BICD1: variants seen among roughly 807,000 people sequenced by gnomAD.
BICD1 encodes the protein BICD cargo adaptor 1, also known as protein bicaudal D homolog 1.
BICD1 carries 35 observed loss-of-function variants against 92.5 expected under a neutral mutation model. The ratio of observed to expected loss-of-function variants is 0.38; its 90% CI spans 0.29 to 0.50. The LOEUF (loss-of-function observed/expected upper bound fraction) is 0.50, where lower values mean the gene tolerates loss of function less well. BICD1 is among the 20% of genes least tolerant of loss of function. The pLI is 0.93. For synonymous variants in BICD1, 429 were observed against 465.1 expected (o/e 0.92, Z 1.00); for missense variants, 950 against 1,189.8 (o/e 0.80, Z 2.97).
At chr12:32,160,088 A>ACACATACTTAGCATGTGGTTTAGTCTGG in intron 1 of BICD1, among the ~76,000 whole-genome samples, 1 of 152,340 alleles carries the variant, frequency 6.6e-6, no homozygotes, top group African/African-American at 2.4e-5. Context: ...ATGGCATCTA[A>ACACATACTTAGCATGTGGTTTAGTCTGG]CACATACTTA....
intron 1 of BICD1, among the ~76,000 whole-genome samples, chr12:32,115,393 T>TTTTG (rs1941855941): frequency 6.6e-6 from 1 of 151,610 alleles, no homozygotes. Context: ...TTTGGTTTTT[T>TTTTG]TTTTTTTGCT....
At chr12:32,115,386 G>GTTTTTTTTTTTTTT (rs149711623) in intron 1 of BICD1, among the ~76,000 whole-genome samples, 8 of 97,768 alleles carry the variant, frequency 8.2e-5, no homozygotes, top group South Asian at 3.1e-4. Context: ...TGGTGTTTTT[G>GTTTTTTTTTTTTTT]GTTTTTTTTT....
intron 2 of BICD1, among the ~76,000 whole-genome samples, chr12:32,267,136 G>C (rs911139123): frequency 6.6e-6 from 1 of 152,086 alleles, no homozygotes; most frequent in Admixed American, 6.5e-5. Context: ...TCTCTGATAG[G>C]TGTTACCATG....
At chr12:32,278,682 T>C (rs1451534370) in intron 2 of BICD1, among the ~76,000 whole-genome samples, 2 of 151,938 alleles carry the variant, frequency 1.3e-5, no homozygotes, top group African/African-American at 4.8e-5. Context: ...TGAAACCCTG[T>C]CTCTACTAAA....
At chr12:32,288,835 C>T (rs1947649569) in intron 2 of BICD1, among the ~76,000 whole-genome samples, 1 of 151,082 alleles carries the variant, frequency 6.6e-6, no homozygotes, top group African/African-American at 2.4e-5. Context: ...CACTGTACTC[C>T]AGCCTGGGTG....
rs1333098400 is a variant in BICD1, at chr12:32,313,582, A to C, written c.1005+7460A>C. Among the ~76,000 whole-genome samples the C allele has an allele frequency of 6.6e-6, 1 of 152,202 alleles. No homozygotes were observed. The highest frequency in any genetic ancestry group is 1.5e-5 in the Non-Finnish European group (1 of 68,038). On this transcript the variant is annotated intron_variant, in intron 4 of 9. Transcript: ENST00000652176. This position sits in a 1 kb window ranked among gnomAD's most constrained non-coding sequence, Gnocchi z 4.2. ...ATAGGATGACATTAATGAAAACAAG[A>C]TTGGTTAGTTCTTGGGTTCTGAAAC... is the stretch of plus-strand genomic sequence containing the variant.
Position 32,294,083 on chromosome 12 carries a change from T to C in BICD1, c.516T>C (p.Tyr172=), listed in dbSNP as rs756590303. ...GGGAGGCACGGCTCCTTCAGGACTATACTGAATTGGAAGAAGAAAATATCA... is the reference window on the plus strand; with the variant it reads ...GGGAGGCACGGCTCCTTCAGGACTACACTGAATTGGAAGAAGAAAATATCA... The part of the protein sequence containing the change: ...KFREARLLQD[Y]TELEEENITL... Residue 172 remains tyrosine (Y), a synonymous_variant, in exon 3 of 10, where the codon TAT becomes TAC. Coordinates refer to ENST00000652176, the MANE Select transcript of BICD1 (RefSeq NM_001714.4). 22 of 1,611,496 alleles carry C rather than the reference T, an allele frequency of 1.4e-5. No homozygotes were observed. The highest frequency in any genetic ancestry group is 1.9e-5 in the Non-Finnish European group (22 of 1,179,564).
intron 1 of BICD1, among the ~76,000 whole-genome samples, chr12:32,124,214 C>T (rs1942251422): frequency 6.6e-6 from 1 of 152,178 alleles, no homozygotes; most frequent in African/African-American, 2.4e-5. Context: ...CTTTAGAGAG[C>T]ATCATCTATA....
chr12:32,374,734 A>ATTTTTTTTTTTTTTT (rs1179747608), intron 9 of BICD1, among the ~76,000 whole-genome samples: 11 of 80,122 alleles, frequency 1.4e-4, no homozygotes, highest in Non-Finnish European at 2.0e-4. Flanking sequence ...CGCCCGGCTA[A>ATTTTTTTTTTTTTTT]TTTTTTTTTT....
At position 32,328,417 on chromosome 12, in the gene BICD1, A is replaced by G; in HGVS notation, c.1962A>G (p.Ala654=). Residue 654 remains alanine, a synonymous_variant, in exon 5 of 10, where the codon GCA becomes GCG. Transcript: ENST00000652176. The surrounding 1 kb of genome is among the most constrained non-coding windows in gnomAD (Gnocchi z 4.4). ...DRSLQLSRQR[A]AARELAPMID... ...CCTTGCAACTGTCTCGTCAAAGAGC[A>G]GCGGCTCGGGAGCTAGCCCCCATGA... 4 of 1,614,220 alleles carry G rather than the reference A, an allele frequency of 2.5e-6. No homozygotes were observed. The highest frequency in any genetic ancestry group is 2.2e-5 in the East Asian group (1 of 44,880).
intron 1 of BICD1, among the ~76,000 whole-genome samples, chr12:32,173,203 C>G (rs191895004): frequency 4.6e-5 from 7 of 152,252 alleles, no homozygotes; most frequent in Admixed American, 4.6e-4. Context: ...CACCACCACC[C>G]CTGGCTAATT....
In BICD1 at chr12:32,242,346, TG is replaced by T. The variant is rs1227297064; in HGVS notation, c.426+25888del. Reference sequence around the variant, plus strand: ...TTCGAGACCAGCCTGGTCAACATTGTGAAACCAGTCTCTACTAAAATACAAA... The same window carrying T: ...TTCGAGACCAGCCTGGTCAACATTGTAAACCAGTCTCTACTAAAATACAAA... On this transcript the variant is annotated intron_variant, in intron 2 of 9. Coordinates refer to ENST00000652176, the MANE Select transcript of BICD1 (RefSeq NM_001714.4). 2.0e-5 allele frequency among the ~76,000 whole-genome samples: 3 copies of T among 151,090 alleles called. No individual in the cohort carries two copies. In the Middle Eastern group the frequency reaches 0.01, roughly 528 times the overall value.
At chr12:32,324,748 T>A (rs1304697926) in intron 4 of BICD1, among the ~76,000 whole-genome samples, 3 of 151,956 alleles carry the variant, frequency 2.0e-5, no homozygotes, top group African/African-American at 7.3e-5. Flanking sequence ...GCTAATTTTT[T>A]AAAATATTTT....
At chr12:32,237,636 T>A (rs1174398762) in intron 2 of BICD1, among the ~76,000 whole-genome samples, 2 of 152,174 alleles carry the variant, frequency 1.3e-5, no homozygotes, top group African/African-American at 2.4e-5. Flanking sequence ...AGAATGATAC[T>A]AAATGTACTC....
intron 8 of BICD1, chr12:32,352,221 T>C (rs1296311032): frequency 6.7e-6 from 1 of 149,906 alleles, no homozygotes; most frequent in Non-Finnish European, 1.5e-5. Flanking sequence ...AAAAAAGTTA[T>C]TCTTAGTGGA....
intron 2 of BICD1, among the ~76,000 whole-genome samples, chr12:32,259,205 A>G (rs1946796047): frequency 6.6e-6 from 1 of 152,226 alleles, no homozygotes; most frequent in Admixed American, 6.5e-5. Flanking sequence ...ACAAAGAGTA[A>G]TATTAAAAGT....
chr12:32,292,271 C>G (rs539884023), intron 2 of BICD1, among the ~76,000 whole-genome samples: 63 of 151,972 alleles, frequency 4.1e-4, no homozygotes, highest in Middle Eastern at 3.4e-3. Flanking sequence ...GTCTTTGCCT[C>G]CATGGTCACG....
chr12:32,363,774 G>A (rs73303954), intron 8 of BICD1, among the ~76,000 whole-genome samples: 3,599 of 152,242 alleles, frequency 0.024, 138 homozygotes, highest in African/African-American at 0.081. Context: ...AGGCAATACA[G>A]TGATACTTCT....
intron 8 of BICD1, among the ~76,000 whole-genome samples, chr12:32,344,366 A>G (rs942370884): frequency 3.3e-5 from 5 of 151,378 alleles, no homozygotes; most frequent in Non-Finnish European, 7.4e-5. Flanking sequence ...AAAGGTGGAC[A>G]GGGACCTGAA....
Sources: gnomAD v4.1 joint callset for allele counts (sites outside exome capture counted in the v4.1 genomes callset) on GRCh38, gnomAD v4.1.1 for gene constraint, Gnocchi (gnomAD v3.1) non-coding constraint, MANE v1.5 for transcripts, NCBI Gene and HGNC (gene_info 2026-07-23, HGNC 2026-07-21) for gene names.